The following KIF5B variants were observed in gnomAD, a reference collection of about 807,000 sequenced individuals.
The protein encoded by KIF5B is kinesin-1 heavy chain.
KIF5B carries 49 observed loss-of-function variants against 132.8 expected under a neutral mutation model. The observed-to-expected ratio is 0.37, with a 90% CI of 0.29 to 0.47. The LOEUF is 0.47. Ranked by LOEUF, KIF5B falls within the 20% of genes least tolerant of loss-of-function variation. The pLI is 1.00. For missense variants in KIF5B, 780 were observed against 1,144.0 expected (o/e 0.68, Z 4.59); for synonymous variants, 355 against 369.4 (o/e 0.96, Z 0.45).
intron 10 of KIF5B, among the ~76,000 whole-genome samples, chr10:32,035,259 T>C (rs1195038271): frequency 2.0e-5 from 3 of 152,242 alleles, no homozygotes; most frequent in South Asian, 2.1e-4. Context: ...CATTATTTGA[T>C]TCAAATGCTT....
chr10:32,017,647 T>C (rs1841194209), intron 23 of KIF5B, among the ~76,000 whole-genome samples: 1 of 152,330 alleles, frequency 6.6e-6, no homozygotes, highest in East Asian at 1.9e-4. Context: ...GTTTCTTCAG[T>C]AAGACAACTA....
At chr10:32,033,797 G>A (rs753668135) in intron 12 of KIF5B, 48 bp downstream of exon 12, 1 of 1,306,280 alleles carries the variant, frequency 7.7e-7, no homozygotes, top group African/African-American at 1.5e-5. Context: ...AAACACCCAT[G>A]TCAATAGTAT....
intron 22 of KIF5B, 29 bp from the exon 23 acceptor site, chr10:32,018,185 A>T: frequency 2.6e-6 from 4 of 1,530,128 alleles, no homozygotes; most frequent in Non-Finnish European, 3.6e-6. Context: ...TATTACAAAA[A>T]AATTAAAAAA....
chr10:32,016,597 C>T (rs569532574), intron 24 of KIF5B, among the ~76,000 whole-genome samples: 224 of 152,238 alleles, frequency 1.5e-3, no homozygotes, highest in Non-Finnish European at 2.5e-3. Flanking sequence ...GCAATCTTGG[C>T]TCATTGCAAT....
intron 2 of KIF5B, among the ~76,000 whole-genome samples, chr10:32,045,094 C>T (rs1379780373): frequency 6.6e-6 from 1 of 152,048 alleles, no homozygotes; most frequent in Non-Finnish European, 1.5e-5. Context: ...TTTTTCTTTT[C>T]CTTAAGGTTA....
intron 19 of KIF5B, among the ~76,000 whole-genome samples, chr10:32,020,558 C>A (rs1841245442): frequency 1.3e-5 from 2 of 152,058 alleles, no homozygotes; most frequent in African/African-American, 4.8e-5. Flanking sequence ...GTCACTGGGA[C>A]TACAGGCATG....
chr10:32,016,389 G>A (rs1418431908), intron 24 of KIF5B, among the ~76,000 whole-genome samples: 1 of 152,034 alleles, frequency 6.6e-6, no homozygotes, highest in Non-Finnish European at 1.5e-5. Flanking sequence ...CCAGGAGGCA[G>A]AGGTTGCAGT....
chr10:32,012,168 T>C (rs1841091892), intron 25 of KIF5B, among the ~76,000 whole-genome samples: 1 of 152,176 alleles, frequency 6.6e-6, no homozygotes, highest in Non-Finnish European at 1.5e-5. Context: ...TGAAATGTTT[T>C]TCTTAACATT....
In KIF5B at chr10:32,056,014, G is replaced by A. The variant is rs770016042; in HGVS notation, c.-41C>T. ...GGCCGGCGGCCGGGAGCCACTCCCC[G>A]CCGCTCAGTCTTGCAGGGAACGCGC... is the stretch of plus-strand genomic sequence containing the variant. On this transcript the variant is annotated 5_prime_UTR_variant, in exon 1 of 26. Transcript: ENST00000302418. 18 of 1,597,788 alleles carry A rather than the reference G, an allele frequency of 1.1e-5. No homozygotes were observed. Among genetic ancestry groups the A allele is most frequent in the Non-Finnish European group, 1.4e-5 (16 of 1,179,016 alleles).
chr10:32,018,325 T>C lies in KIF5B; in HGVS notation c.2430A>G (p.Arg810=), dbSNP rs1841205409. Residue 810 remains arginine (R), a synonymous_variant, in exon 22 of 26, where the codon AGA becomes AGG. Coordinates refer to ENST00000302418, the MANE Select transcript of KIF5B (RefSeq NM_004521.3). The part of the protein sequence containing the change: ...RKLFVQDLAT[R]VKKSAEIDSD... Reference sequence around the variant, plus strand: ...GGCATAGTTACATTACCTTTTTAACTCTTGTAGCCAGGTCCTGAACAAAGA... The same window carrying C: ...GGCATAGTTACATTACCTTTTTAACCCTTGTAGCCAGGTCCTGAACAAAGA... 2 of 1,504,076 alleles carry C rather than the reference T, an allele frequency of 1.3e-6. No individual in the cohort carries two copies. Among genetic ancestry groups the C allele is most frequent in the Non-Finnish European group, 1.8e-6 (2 of 1,128,496 alleles). 93.2% of individuals were successfully genotyped at this position (1,504,076 alleles called of 1,614,324 possible). A position where few individuals can be genotyped will look rare whatever the true frequency, so the allele number is the denominator to read the frequency against.
intron 2 of KIF5B, among the ~76,000 whole-genome samples, chr10:32,041,061 G>A (rs1020204441): frequency 1.3e-5 from 2 of 148,570 alleles, no homozygotes; most frequent in East Asian, 2.0e-4. Flanking sequence ...CACAAAAATC[G>A]CCTGAGCCCA....
At chr10:32,017,076 A>G (rs1365698008) in intron 24 of KIF5B, 67 bp downstream of exon 24, 1 of 1,311,640 alleles carries the variant, frequency 7.6e-7, no homozygotes, top group African/African-American at 1.5e-5. Flanking sequence ...AATTCGGATT[A>G]CGTTTTCCAC....
chr10:32,042,121 C>T (rs1347149932), intron 2 of KIF5B, among the ~76,000 whole-genome samples: 1 of 151,936 alleles, frequency 6.6e-6, no homozygotes, highest in Admixed American at 6.6e-5. Context: ...AAAAGAGAAG[C>T]CTCTGTTGGA....
At chr10:32,037,982 T>A (rs557901159) in intron 6 of KIF5B, among the ~76,000 whole-genome samples, 181 bp downstream of exon 6, 25 of 152,052 alleles carry the variant, frequency 1.6e-4, no homozygotes, top group African/African-American at 5.5e-4. Context: ...TGGTGGCGCA[T>A]GCCTGTAATC....
chr10:32,055,989 GGCCGGCGGCCGGGA>G lies in KIF5B; in HGVS notation c.-30_-17del. The G allele has an allele frequency of 6.3e-7, 1 of 1,599,044 alleles. No individual in the cohort carries two copies. Among genetic ancestry groups the G allele is most frequent in the African/African-American group, 1.3e-5 (1 of 74,984 alleles). The stretch of plus-strand genomic sequence containing the variant: ...GGTCCGCCATCTTTCTCGCAGCCGG[GGCCGGCGGCCGGGA>G]GCCACTCCCCGCCGCTCAGTCTTGC... On this transcript the variant is annotated 5_prime_UTR_variant, in exon 1 of 26. Coordinates refer to ENST00000302418, the MANE Select transcript of KIF5B (RefSeq NM_004521.3).
chr10:32,019,732 T>C (rs1177669070), intron 20 of KIF5B, 126 bp downstream of exon 20: 3 of 578,234 alleles, frequency 5.2e-6, no homozygotes, highest in Admixed American at 3.4e-5. Context: ...ACTCAGTGGA[T>C]TTAAGAAAAA....
In KIF5B at chr10:32,011,188, A is replaced by G. The variant is rs1841074657; in HGVS notation, c.*349T>C. On this transcript the variant is annotated 3_prime_UTR_variant, in exon 26 of 26. Coordinates refer to ENST00000302418, the MANE Select transcript of KIF5B (RefSeq NM_004521.3). ...GATTAAAAAATAAACATACACAAAA[A>G]ATACAAAAAGTACAGTCCTATAAGG... 1 of 152,732 alleles carries G rather than the reference A, an allele frequency of 6.5e-6. No homozygotes were observed. The highest frequency in any genetic ancestry group is 1.5e-5 in the Non-Finnish European group (1 of 68,014). The allele number at this position is 152,732 out of a possible 1,614,324, so 9.5% of individuals were successfully genotyped here.
At position 32,037,327 on chromosome 10, in the gene KIF5B, T is replaced by C. The variant is rs1377389058; in HGVS notation, c.638A>G (p.Lys213Arg). 4.3e-6 allele frequency: 7 copies of C among 1,613,596 alleles called. No individual in the cohort carries two copies. The highest frequency in any genetic ancestry group is 5.9e-6 in the Non-Finnish European group (7 of 1,179,556). The change falls in exon 8 of 26, where the codon AAA (lysine) becomes AGA (arginine). Residue 213 changes from lysine to arginine, a missense_variant. Physicochemically the swap from Lys to Arg is conservative, Grantham distance 26 (BLOSUM62 2). Transcript: ENST00000302418. ...RSHSIFLINV[K>R]QENTQTEQKL... ...TTGTTCCGTTTGTGTGTTCTCTTGT[T>C]TGACATTAATAAGAAATATACTGTG...
At chr10:32,044,729 T>C (rs1309763273) in intron 2 of KIF5B, among the ~76,000 whole-genome samples, 1 of 151,420 alleles carries the variant, frequency 6.6e-6, no homozygotes, top group Non-Finnish European at 1.5e-5. Context: ...TAGCAGCTGA[T>C]ACCTGTATTG....
Sources: gnomAD v4.1 joint callset for allele counts (sites outside exome capture counted in the v4.1 genomes callset) on GRCh38, gnomAD v4.1.1 for gene constraint, MANE v1.5 for transcripts, NCBI Gene and HGNC (gene_info 2026-07-23, HGNC 2026-07-21) for gene names.